Variants in SUN3 observed in about 807,000 individuals in gnomAD.
The protein encoded by SUN3 is Sad1 and UNC84 domain containing 3.
A neutral mutation model predicts 48.2 loss-of-function variants in SUN3; 36 were observed. That is an observed-to-expected ratio of 0.75 (90% CI 0.57 to 0.99). The LOEUF (loss-of-function observed/expected upper bound fraction) is 0.99. SUN3 is among the 50% of genes least tolerant of loss of function. SUN3 has a pLI of 0.00. For synonymous variants in SUN3, 148 were observed against 147.9 expected, an observed-to-expected ratio of 1.00 and a Z score of 0.00; for missense variants, 419 against 433.1, an observed-to-expected ratio of 0.97 and a Z score of 0.29.
chr7:48,030,362 G>A (rs566775902), upstream of SUN3, among the ~76,000 whole-genome samples: 6 of 152,208 alleles, frequency 3.9e-5, no homozygotes, highest in South Asian at 6.2e-4. Flanking sequence ...CTTTCCACCC[G>A]GCATCTGCCT....
chr7:48,001,724 G>C (rs1242107930), intron 6 of SUN3, among the ~76,000 whole-genome samples: 2 of 151,870 alleles, frequency 1.3e-5, no homozygotes, highest in East Asian at 3.9e-4. Context: ...TTTTAGTAGA[G>C]ACAGGGTTTC....
chr7:48,031,681 C>T (rs1480357442), upstream of SUN3, among the ~76,000 whole-genome samples: 1 of 152,138 alleles, frequency 6.6e-6, no homozygotes, highest in Non-Finnish European at 1.5e-5. Flanking sequence ...TATGATTCAG[C>T]AATCCCACTT....
chr7:47,994,283 A>G, intron 8 of SUN3, 32 bp downstream of exon 8: 1 of 1,610,568 alleles, frequency 6.2e-7, no homozygotes, highest in Non-Finnish European at 8.5e-7. Flanking sequence ...CTATCAGGCC[A>G]ATCTGAATGA....
chr7:48,014,201 T>G (rs1278957090), intron 3 of SUN3, among the ~76,000 whole-genome samples: 6 of 152,134 alleles, frequency 3.9e-5, no homozygotes. Context: ...CTGCCCAAAG[T>G]GCTGGGATTA....
At chr7:48,033,967 T>C (rs1790286076), upstream of SUN3, among the ~76,000 whole-genome samples, 1 of 152,066 alleles carries the variant, frequency 6.6e-6, no homozygotes, top group Admixed American at 6.5e-5. Flanking sequence ...GACAGGAGAA[T>C]TGCTTGAACC....
At chr7:47,993,569 C>T (rs567236127) in intron 8 of SUN3, among the ~76,000 whole-genome samples, 1 of 152,216 alleles carries the variant, frequency 6.6e-6, no homozygotes, top group Admixed American at 6.5e-5. Context: ...AAAGATCACA[C>T]ATTATAAATG....
upstream of SUN3, among the ~76,000 whole-genome samples, chr7:48,033,071 T>C (rs1790274114): frequency 6.6e-6 from 1 of 152,222 alleles, no homozygotes; most frequent in Non-Finnish European, 1.5e-5. Context: ...TCAGAGAATG[T>C]TGGATCTTTC....
At chr7:47,994,216 C>CA in intron 8 of SUN3, 99 bp downstream of exon 8, 1 of 1,081,338 alleles carries the variant, frequency 9.2e-7, no homozygotes, top group Non-Finnish European at 1.3e-6. Context: ...ATAAGTGACA[C>CA]AACTAGTTAT....
At position 47,994,481 on chromosome 7, in the gene SUN3, G is replaced by C. The variant is rs188328639; in HGVS notation, c.695C>G (p.Pro232Arg). The C allele has an allele frequency of 1.9e-6, 3 of 1,588,646 alleles. No homozygotes were observed. The highest frequency in any genetic ancestry group is 3.8e-5 in the Admixed American group (2 of 52,106). Residue 232 changes from proline (P) to arginine (R), a missense_variant and splice_region_variant, in exon 8 of 10, where the codon CCG becomes CGG. By Grantham distance (103) the Pro-to-Arg change is moderately radical. Transcript: ENST00000297325. ...CCAGCACTTTCCAGGGTAGACATCCGGCTGGAAAGAAAACACTGAATTAAT... is the reference window on the plus strand; with the variant it reads ...CCAGCACTTTCCAGGGTAGACATCCCGCTGGAAAGAAAACACTGAATTAAT... ...HEMPPDIILQ[P>R]DVYPGKCWAF... is the part of the protein sequence containing the mutation.
intron 6 of SUN3, among the ~76,000 whole-genome samples, chr7:48,001,522 GTTTTTT>G (rs1286421253): frequency 8.2e-6 from 1 of 121,888 alleles, no homozygotes; most frequent in Non-Finnish European, 1.7e-5. Flanking sequence ...TGTCTTTTCT[GTTTTTT>G]TTGTTTTTTT....
At chr7:48,032,298 A>G (rs1790266393), upstream of SUN3, among the ~76,000 whole-genome samples, 3 of 152,238 alleles carry the variant, frequency 2.0e-5, no homozygotes, top group African/African-American at 7.2e-5. Context: ...AAAGGTAACT[A>G]AGTGAGATGA....
Position 47,996,631 on chromosome 7 carries a change from T to C in SUN3, c.578-485A>G, listed in dbSNP as rs578260386. Reference sequence around the variant, plus strand: ...ATCAAAGAAATATGAAATATACTCATCAAACATTATCCCTTCAGGTTACTT... The same window carrying C: ...ATCAAAGAAATATGAAATATACTCACCAAACATTATCCCTTCAGGTTACTT... On this transcript the variant is annotated intron_variant, in intron 6 of 9. Coordinates refer to ENST00000297325, the MANE Select transcript of SUN3 (RefSeq NM_001030019.2). 1.1e-4 allele frequency among the ~76,000 whole-genome samples: 16 copies of C among 152,300 alleles called. 1 individual carries two copies. In the South Asian group the frequency reaches 3.3e-3, roughly 32 times the overall value.
intron 3 of SUN3, among the ~76,000 whole-genome samples, chr7:48,015,766 A>G (rs1167796062): frequency 6.6e-6 from 1 of 152,196 alleles, no homozygotes; most frequent in Non-Finnish European, 1.5e-5. Flanking sequence ...ATGACGGTGA[A>G]AGAGACAAGA....
chr7:48,028,946 T>C lies in SUN3; in HGVS notation c.-8A>G. ...CTTTGTTTTTCCACTCATGATCCCCTACCAAAGAACAAACAGCTGGTAGGA... is the reference window on the plus strand; with the variant it reads ...CTTTGTTTTTCCACTCATGATCCCCCACCAAAGAACAAACAGCTGGTAGGA... On this transcript the variant is annotated 5_prime_UTR_variant, in exon 1 of 10. Coordinates refer to ENST00000297325, the MANE Select transcript of SUN3 (RefSeq NM_001030019.2). 6.2e-7 allele frequency: 1 copy of C among 1,613,730 alleles called. No homozygotes were observed. The highest frequency in any genetic ancestry group is 1.1e-5 in the South Asian group (1 of 91,056).
chr7:48,027,966 T>G (rs903811030), intron 1 of SUN3, among the ~76,000 whole-genome samples: 15 of 152,120 alleles, frequency 9.9e-5, no homozygotes, highest in African/African-American at 3.6e-4. Flanking sequence ...AAAGATTAAC[T>G]CCAGTGTTTT....
At chr7:47,994,820 GTAA>G (rs373694029) in intron 7 of SUN3, among the ~76,000 whole-genome samples, 1,921 of 152,332 alleles carry the variant, frequency 0.013, 27 homozygotes, top group African/African-American at 0.043. Context: ...GATGATGGTG[GTAA>G]TAATGGTGGC....
At chr7:48,006,163 G>T in intron 5 of SUN3, 110 bp from the exon 6 acceptor site, 1 of 704,410 alleles carries the variant, frequency 1.4e-6, no homozygotes, top group Non-Finnish European at 2.5e-6. Context: ...GAATAGCAGT[G>T]AGCCCCTATC....
At chr7:47,988,744 C>G in intron 9 of SUN3, 44 bp downstream of exon 9, 1 of 1,230,990 alleles carries the variant, frequency 8.1e-7, no homozygotes, top group Non-Finnish European at 1.1e-6. Context: ...CAAATTTCTC[C>G]CAGTGATAGA....
At chr7:48,028,367 G>A (rs950370150) in intron 1 of SUN3, among the ~76,000 whole-genome samples, 13 of 148,776 alleles carry the variant, frequency 8.7e-5, no homozygotes, top group African/African-American at 3.0e-4. Context: ...CCCTACCAGA[G>A]TCTTTAGTCA....
Sources: allele counts gnomAD v4.1 joint callset (sites outside exome capture counted in the v4.1 genomes callset), GRCh38; gene constraint gnomAD v4.1.1; transcripts MANE v1.5; gene names NCBI Gene and HGNC (gene_info 2026-07-23, HGNC 2026-07-21).